The following PDE4B variants were observed in gnomAD, a reference collection of about 807,000 sequenced individuals.
PDE4B encodes phosphodiesterase 4B.
Under a neutral mutation model 82.2 loss-of-function variants are expected in PDE4B, and 20 were observed. The observed-to-expected ratio is 0.24, with a 90% CI of 0.17 to 0.35. PDE4B has a LOEUF of 0.35. Ranked by LOEUF, PDE4B falls within the 10% of genes least tolerant of loss-of-function variation. The pLI, the probability that PDE4B is intolerant of heterozygous loss-of-function variation, is 1.00. For synonymous variants in PDE4B, 320 were observed against 318.9 expected (o/e 1.00, Z -0.04); for missense variants, 655 against 907.2 (o/e 0.72, Z 3.57).
Position 65,992,794 on chromosome 1 carries a change from A to C in PDE4B, c.281+73959A>C, listed in dbSNP as rs1569908427. ...TCATACATTGGAGTCACAGCTTCGTAAATTAAACTGGAAATAGTTTGCAGA... is the reference window on the plus strand; with the variant it reads ...TCATACATTGGAGTCACAGCTTCGTCAATTAAACTGGAAATAGTTTGCAGA... On this transcript the variant is annotated intron_variant, in intron 3 of 16. Coordinates refer to ENST00000341517, the MANE Select transcript of PDE4B (RefSeq NM_002600.4). 14 of 1,435,662 alleles carry C rather than the reference A, an allele frequency of 9.8e-6. No individual in the cohort carries two copies. In the East Asian group the frequency reaches 3.3e-4, roughly 34 times the overall value. The allele number at this position is 1,435,662 out of a possible 1,614,324, so 88.9% of individuals were successfully genotyped here.
chr1:66,214,840 C>A (rs1650327098), intron 3 of PDE4B, among the ~76,000 whole-genome samples: 2 of 152,202 alleles, frequency 1.3e-5, no homozygotes, highest in African/African-American at 2.4e-5. Flanking sequence ...TCTTGACTGG[C>A]AACAGCAGCC....
chr1:65,929,304 T>TACTGGGGATGGGG, intron 3 of PDE4B, among the ~76,000 whole-genome samples: 1 of 152,320 alleles, frequency 6.6e-6, no homozygotes, highest in East Asian at 1.9e-4. Flanking sequence ...ATGTTGCCAC[T>TACTGGGGATGGGG]ACTGGGGATG....
In PDE4B at chr1:66,214,912, G is replaced by A. The variant is rs573718743; in HGVS notation, c.282-32548G>A. 3.2e-4 allele frequency among the ~76,000 whole-genome samples: 49 copies of A among 152,298 alleles called. No individual in the cohort carries two copies. In the South Asian group the frequency reaches 9.7e-3, roughly 30 times the overall value. On this transcript the variant is annotated intron_variant, in intron 3 of 16. Coordinates refer to ENST00000341517, the MANE Select transcript of PDE4B (RefSeq NM_002600.4). The stretch of plus-strand genomic sequence containing the variant: ...TCATATCATGACCTTGTTGGAAGAA[G>A]TAAATAGCAATGAGAGAGTCAGGAA...
At chr1:66,301,126 A>C (rs915343647) in intron 7 of PDE4B, among the ~76,000 whole-genome samples, 1 of 152,150 alleles carries the variant, frequency 6.6e-6, no homozygotes, top group African/African-American at 2.4e-5. Flanking sequence ...TAGTACAGCT[A>C]TGAGTATATT....
In PDE4B at chr1:66,216,410, A is replaced by G. The variant is rs1198944596; in HGVS notation, c.282-31050A>G. ...AAGTCGTTCTTAATTTATCCCCAAC[A>G]GAGTTGAGATTTTGCAATAAACTGG... On this transcript the variant is annotated intron_variant, in intron 3 of 16. Coordinates refer to ENST00000341517, the MANE Select transcript of PDE4B (RefSeq NM_002600.4). Among the ~76,000 whole-genome samples, 3 of 152,258 alleles carry G rather than the reference A, an allele frequency of 2.0e-5. No homozygotes were observed. In the East Asian group the frequency reaches 5.8e-4, roughly 29 times the overall value.
intron 3 of PDE4B, among the ~76,000 whole-genome samples, chr1:66,164,755 C>CTTTTTTTTTTTTTTTTT (rs145224852): frequency 5.7e-5 from 5 of 87,874 alleles, no homozygotes; most frequent in Non-Finnish European, 8.4e-5. Flanking sequence ...CTTTTCTTTT[C>CTTTTTTTTTTTTTTTTT]TTTTTTTTTT....
intron 3 of PDE4B, among the ~76,000 whole-genome samples, chr1:66,113,669 C>T (rs372990513): frequency 6.6e-6 from 1 of 152,152 alleles, no homozygotes; most frequent in Non-Finnish European, 1.5e-5. Context: ...GTGTTTCTTA[C>T]TTTTCATATC....
chr1:65,801,707 A>G (rs1474023245), intron 1 of PDE4B, among the ~76,000 whole-genome samples: 1 of 152,210 alleles, frequency 6.6e-6, no homozygotes, highest in Non-Finnish European at 1.5e-5. Context: ...CCTCCTACTT[A>G]GCCATAATCT....
intron 3 of PDE4B, among the ~76,000 whole-genome samples, chr1:66,229,938 T>G (rs1287131826): frequency 6.6e-6 from 1 of 152,188 alleles, no homozygotes; most frequent in East Asian, 1.9e-4. Flanking sequence ...CAGGTCTGCC[T>G]CAAGCCAAAG....
chr1:66,306,474 A>G (rs1319707003), intron 7 of PDE4B, among the ~76,000 whole-genome samples: 2 of 152,112 alleles, frequency 1.3e-5, no homozygotes, highest in Non-Finnish European at 2.9e-5. Flanking sequence ...TTTGAGATAG[A>G]AACTCCGGAG....
At chr1:65,850,681 A>ATG (rs769519837) in intron 1 of PDE4B, among the ~76,000 whole-genome samples, 1 of 151,978 alleles carries the variant, frequency 6.6e-6, no homozygotes, top group African/African-American at 2.4e-5. Context: ...GTGTGTTTGC[A>ATG]TGTGTGTGTA....
intron 8 of PDE4B, among the ~76,000 whole-genome samples, chr1:66,342,943 G>A (rs1019501729): frequency 2.6e-5 from 4 of 152,066 alleles, no homozygotes; most frequent in African/African-American, 9.7e-5. Flanking sequence ...TACTGGGGTG[G>A]CTGAGGCATG....
intron 1 of PDE4B, among the ~76,000 whole-genome samples, chr1:65,826,219 A>C (rs917810438): frequency 6.6e-6 from 1 of 152,184 alleles, no homozygotes; most frequent in African/African-American, 2.4e-5. Flanking sequence ...TAATATTAGT[A>C]GTCTAAGTTG....
Position 66,247,649 on chromosome 1 carries a change from C to T in PDE4B, c.471C>T (p.Ser157=), listed in dbSNP as rs115853607. Reference sequence around the variant, plus strand: ...TGTCGAGAAACTCTTCTCTTCCAAGCGAGCAGTAAGTACAAGCTCTGTCTG... The same window carrying T: ...TGTCGAGAAACTCTTCTCTTCCAAGTGAGCAGTAAGTACAAGCTCTGTCTG... ...KAMSRNSSLP[S]EQHGDDLIVT... Residue 157 remains serine (S), a synonymous_variant, in exon 4 of 17, where the codon AGC becomes AGT. Coordinates refer to ENST00000341517, the MANE Select transcript of PDE4B (RefSeq NM_002600.4). 2,217 of 1,582,396 alleles carry T rather than the reference C, an allele frequency of 1.4e-3. 2 individuals are homozygous for T. The highest frequency in any genetic ancestry group is 2.2e-3 in the South Asian group (186 of 86,260).
chr1:66,240,096 A>G (rs1387484893), intron 3 of PDE4B, among the ~76,000 whole-genome samples: 1 of 152,204 alleles, frequency 6.6e-6, no homozygotes, highest in Non-Finnish European at 1.5e-5. Flanking sequence ...GCACATCCCC[A>G]GTTCTTCTTT....
intron 3 of PDE4B, among the ~76,000 whole-genome samples, chr1:66,124,367 G>A (rs1204357833): frequency 6.6e-6 from 1 of 152,122 alleles, no homozygotes; most frequent in Non-Finnish European, 1.5e-5. Flanking sequence ...AAAAATTCTG[G>A]TTCTAGAAAG....
At chr1:66,305,770 T>C (rs1406402747) in intron 7 of PDE4B, among the ~76,000 whole-genome samples, 1 of 152,184 alleles carries the variant, frequency 6.6e-6, no homozygotes, top group Non-Finnish European at 1.5e-5. Flanking sequence ...CTATGACTTT[T>C]TAAAAATCAT....
At chr1:66,011,720 G>A (rs948519717) in intron 3 of PDE4B, among the ~76,000 whole-genome samples, 8 of 151,846 alleles carry the variant, frequency 5.3e-5, no homozygotes, top group African/African-American at 1.7e-4. Flanking sequence ...AAGTTATTTC[G>A]GTCCTTATTT....
At chr1:66,201,132 A>G (rs552794550) in intron 3 of PDE4B, among the ~76,000 whole-genome samples, 2 of 152,188 alleles carry the variant, frequency 1.3e-5, no homozygotes, top group Non-Finnish European at 2.9e-5. Context: ...GGTTCTGTTT[A>G]TATGCTGGAT....
Sources: allele counts gnomAD v4.1 joint callset (sites outside exome capture counted in the v4.1 genomes callset), GRCh38; gene constraint gnomAD v4.1.1; transcripts MANE v1.5; gene names NCBI Gene and HGNC (gene_info 2026-07-23, HGNC 2026-07-21).